The following MGA variants were observed in gnomAD, a reference collection of about 807,000 sequenced individuals.
MGA encodes the protein MAX dimerization protein MGA.
In MGA, 40 loss-of-function variants were observed where a neutral mutation model predicts 261.1. The ratio of observed to expected loss-of-function variants is 0.15; its 90% CI spans 0.12 to 0.20. The LOEUF (loss-of-function observed/expected upper bound fraction) is 0.20. Ranked by LOEUF, MGA falls within the 10% of genes least tolerant of loss-of-function variation. The probability of loss-of-function intolerance (pLI) is 1.00; values close to 1 mark genes in which losing one functional copy is unlikely to be tolerated. For missense variants in MGA, 3,397 were observed against 3,630.5 expected (o/e 0.94, Z 1.65); for synonymous variants, 1,302 against 1,290.6 (o/e 1.01, Z -0.19).
chr15:41,759,465 T>TGTGTA (rs1491320385), intron 19 of MGA, among the ~76,000 whole-genome samples: 7 of 49,070 alleles, frequency 1.4e-4, no homozygotes, highest in Non-Finnish European at 3.8e-4. Flanking sequence ...TGTGTGTGTA[T>TGTGTA]TTTTTTTTTT....
intron 12 of MGA, among the ~76,000 whole-genome samples, chr15:41,735,407 A>G (rs1410784259): frequency 6.6e-6 from 1 of 152,222 alleles, no homozygotes. Context: ...ATTCAGAGGT[A>G]TTTGCAGTAG....
chr15:41,744,664 C>G (rs918962496), intron 15 of MGA, among the ~76,000 whole-genome samples: 2 of 152,134 alleles, frequency 1.3e-5, no homozygotes, highest in African/African-American at 4.8e-5. Context: ...CAGATCATGT[C>G]TTCTAAACCA....
At position 41,696,753 on chromosome 15, in the gene MGA, G is replaced by A. The variant is rs559325681; in HGVS notation, c.1743G>A (p.Glu581=). Reference sequence around the variant, plus strand: ...TTGGAGACTCACTTTCAGGAAAAGAGGACTTGGGCAGAAAGAGAACAACTA... The same window carrying A: ...TTGGAGACTCACTTTCAGGAAAAGAAGACTTGGGCAGAAAGAGAACAACTA... The change falls in exon 3 of 24, where the codon GAG becomes GAA. Residue 581 remains glutamate (E), a synonymous_variant. Transcript: ENST00000219905. 50 of 1,610,790 alleles carry A rather than the reference G, an allele frequency of 3.1e-5. No individual in the cohort carries two copies. The Admixed American group carries it at 5.4e-4, about 17-fold the overall frequency.
At chr15:41,745,312 C>T (rs1453767270) in intron 15 of MGA, among the ~76,000 whole-genome samples, 1 of 101,758 alleles carries the variant, frequency 9.8e-6, no homozygotes, top group Non-Finnish European at 2.0e-5. Context: ...AAAAAAGAGA[C>T]AGCATTAATT....
intron 1 of MGA, among the ~76,000 whole-genome samples, chr15:41,630,289 C>T (rs1373374669): frequency 6.6e-6 from 1 of 152,122 alleles, no homozygotes; most frequent in East Asian, 1.9e-4. Flanking sequence ...ATAAAATTGA[C>T]CCCTTCACTG....
chr15:41,656,377 T>TCTCTCTCTCTCTCTGTCACA (rs1555403733), upstream of MGA, among the ~76,000 whole-genome samples: 2 of 68,276 alleles, frequency 2.9e-5, no homozygotes, highest in African/African-American at 3.8e-5. Flanking sequence ...TCTCTCTCTC[T>TCTCTCTCTCTCTCTGTCACA]CACACCCAGG....
In MGA at chr15:41,766,751, T is replaced by A. The variant is rs745317244; in HGVS notation, c.8669T>A (p.Val2890Asp). Reference sequence around the variant, plus strand: ...ACTGGTTTGAAAGAGTTGCCTGATGTTCAAGGGGAGAGTGACTCTATCAGT... The same window carrying A: ...ACTGGTTTGAAAGAGTTGCCTGATGATCAAGGGGAGAGTGACTCTATCAGT... Residue 2890 changes from valine to aspartate, a missense_variant, in exon 24 of 24, where the codon GTT (valine) becomes GAT (aspartate). Physicochemically the swap from Val to Asp is radical, Grantham distance 152. Around this residue, in one of 9 missense-constraint regions of MGA, gnomAD observed 647 missense variants for 642.4 expected, o/e 1.01. Coordinates refer to ENST00000219905, the MANE Select transcript of MGA (RefSeq NM_001164273.2). 6.2e-7 allele frequency: 1 copy of A among 1,613,856 alleles called. No individual in the cohort carries two copies. Among genetic ancestry groups the A allele is most frequent in the South Asian group, 1.1e-5 (1 of 91,072 alleles).
chr15:41,679,825 C>G (rs991513559), intron 2 of MGA, among the ~76,000 whole-genome samples: 1 of 151,986 alleles, frequency 6.6e-6, no homozygotes, highest in Non-Finnish European at 1.5e-5. Context: ...TCTTTACAAA[C>G]TCCTTGACAA....
intron 1 of MGA, among the ~76,000 whole-genome samples, chr15:41,644,679 T>C (rs927229701): frequency 1.3e-5 from 2 of 151,976 alleles, no homozygotes; most frequent in African/African-American, 4.8e-5. Flanking sequence ...AGAAAAAATA[T>C]TACCATTCAA....
chr15:41,651,636 C>CCTCTCCCCTCTT (rs2057048653), intron 1 of MGA, among the ~76,000 whole-genome samples: 1 of 131,418 alleles, frequency 7.6e-6, no homozygotes, highest in African/African-American at 2.9e-5. Flanking sequence ...CCTCTTCTCT[C>CCTCTCCCCTCTT]CTCTCCCCTC....
chr15:41,686,313 A>C (rs1298108908), intron 2 of MGA, among the ~76,000 whole-genome samples: 2 of 152,046 alleles, frequency 1.3e-5, no homozygotes, highest in Non-Finnish European at 2.9e-5. Context: ...AGGAGCTTGA[A>C]AGCAGCCCTG....
chr15:41,760,611 A>T lies in MGA; in HGVS notation c.7398+82A>T, dbSNP rs78965054. On this transcript the variant is annotated intron_variant, in intron 20 of 23. Transcript: ENST00000219905. The stretch of plus-strand genomic sequence containing the variant: ...TATGAGAAAGATAATCCACTGACAT[A>T]TAAGGGAGATTGAAATAGAGCTGCT... 2.8e-3 allele frequency: 3,823 copies of T among 1,377,422 alleles called. 95 individuals are homozygous for T. The African/African-American group carries it at 0.048, about 17-fold the overall frequency. 85.3% of individuals were successfully genotyped at this position (1,377,422 alleles called of 1,614,324 possible).
rs565371611 is a variant in MGA, at chr15:41,723,096, A to G, written c.3431-4084A>G. 6.1e-4 allele frequency among the ~76,000 whole-genome samples: 93 copies of G among 152,314 alleles called. No homozygotes were observed. The South Asian group carries it at 0.011, about 17-fold the overall frequency. On this transcript the variant is annotated intron_variant, in intron 9 of 23. Transcript: ENST00000219905. ...CATTTCTTTGTTAAAACTGATTTCTATTCTTGGCTCCTGTCAATGAATATG... is the reference window on the plus strand; with the variant it reads ...CATTTCTTTGTTAAAACTGATTTCTGTTCTTGGCTCCTGTCAATGAATATG...
At chr15:41,747,216 G>A (rs753782106) in intron 15 of MGA, among the ~76,000 whole-genome samples, 4 of 151,836 alleles carry the variant, frequency 2.6e-5, no homozygotes, top group Admixed American at 6.6e-5. Context: ...CATTTTGGGG[G>A]GCTTAAGTAA....
chr15:41,767,089 G>A lies in MGA; in HGVS notation c.9007G>A (p.Ala3003Thr). 3 of 1,614,038 alleles carry A rather than the reference G, an allele frequency of 1.9e-6. No individual in the cohort carries two copies. The highest frequency in any genetic ancestry group is 1.3e-5 in the African/African-American group (1 of 75,060). Reference sequence around the variant, plus strand: ...AAAAGTAGCTAATCCTTCCAGTGATGCAGATGGTCAGAGTCTCAAGGTGAT... The same window carrying A: ...AAAAGTAGCTAATCCTTCCAGTGATACAGATGGTCAGAGTCTCAAGGTGAT... Residue 3003 changes from alanine to threonine, a missense_variant, in exon 24 of 24, where the codon GCA becomes ACA. Physicochemically the swap from Ala to Thr is moderately conservative, Grantham distance 58. This residue lies in a region of MGA where 647 missense variants were observed against 642.4 expected (regional missense o/e 1.01). Coordinates refer to ENST00000219905, the MANE Select transcript of MGA (RefSeq NM_001164273.2).
chr15:41,681,447 T>A (rs1019917431), intron 2 of MGA, among the ~76,000 whole-genome samples: 1 of 151,138 alleles, frequency 6.6e-6, no homozygotes, highest in African/African-American at 2.4e-5. Context: ...TAATTTTTGG[T>A]CAACTAATTT....
In MGA at chr15:41,749,196, C is replaced by T; in HGVS notation, c.5589C>T (p.Val1863=). 1 of 1,614,016 alleles carries T rather than the reference C, an allele frequency of 6.2e-7. No individual in the cohort carries two copies. The highest frequency in any genetic ancestry group is 8.5e-7 in the Non-Finnish European group (1 of 1,179,898). Reference sequence around the variant, plus strand: ...CCACTTCGTCCTCTGCTTTCTCTGTCATGAATCCTGTAATTCAAGCTGTTG... The same window carrying T: ...CCACTTCGTCCTCTGCTTTCTCTGTTATGAATCCTGTAATTCAAGCTGTTG... Residue 1863 remains valine, a synonymous_variant, in exon 17 of 24, where the codon GTC becomes GTT. Coordinates refer to ENST00000219905, the MANE Select transcript of MGA (RefSeq NM_001164273.2).
chr15:41,687,286 A>G (rs1229508743), intron 2 of MGA, among the ~76,000 whole-genome samples: 1 of 152,138 alleles, frequency 6.6e-6, no homozygotes, highest in African/African-American at 2.4e-5. Context: ...ATGATTTTTA[A>G]CAGTTTTCAG....
chr15:41,673,918 G>T (rs931920792), intron 2 of MGA, among the ~76,000 whole-genome samples: 1 of 152,058 alleles, frequency 6.6e-6, no homozygotes, highest in Non-Finnish European at 1.5e-5. Flanking sequence ...TTGAGACGGA[G>T]TCTTGCTCTG....
Sources: gnomAD v4.1 joint callset for allele counts (sites outside exome capture counted in the v4.1 genomes callset) on GRCh38, gnomAD v4.1.1 for gene constraint, gnomAD v4.1.1 regional missense constraint, MANE v1.5 for transcripts, NCBI Gene and HGNC (gene_info 2026-07-23, HGNC 2026-07-21) for gene names.